Variants in VAT1L observed in about 807,000 individuals in gnomAD.
VAT1L encodes putative NADPH-dependent quinone oxidoreductase VAT1L.
A neutral mutation model predicts 44.1 loss-of-function variants in VAT1L; 34 were observed. The ratio of observed to expected loss-of-function variants is 0.77; its 90% CI spans 0.59 to 1.03. The LOEUF is 1.03. Among genes scored for constraint, VAT1L ranks in the 50% least tolerant of loss-of-function variants. The pLI is 0.00. For missense variants in VAT1L, 615 were observed against 538.8 expected (o/e 1.14, Z -1.40); for synonymous variants, 253 against 202.2 (o/e 1.25, Z -2.13).
At chr16:77,799,104 A>T (rs1166816222) in intron 1 of VAT1L, among the ~76,000 whole-genome samples, 4 of 152,104 alleles carry the variant, frequency 2.6e-5, no homozygotes, top group Non-Finnish European at 5.9e-5. Context: ...TGCAAAGAGA[A>T]CTTTTTTCTC....
intron 1 of VAT1L, 111 bp downstream of exon 1, chr16:77,789,026 C>A (rs959673864): frequency 1.0e-5 from 13 of 1,267,646 alleles, no homozygotes; most frequent in Non-Finnish European, 1.4e-5. Context: ...CCGCGCGCAC[C>A]CCCTCCGCGC....
intron 7 of VAT1L, among the ~76,000 whole-genome samples, chr16:77,893,434 G>T (rs1383525500): frequency 6.6e-6 from 1 of 152,232 alleles, no homozygotes. Flanking sequence ...AGCAGGGATA[G>T]ACACTGGTGT....
intron 7 of VAT1L, among the ~76,000 whole-genome samples, chr16:77,963,897 C>T (rs531667958): frequency 6.6e-6 from 1 of 152,238 alleles, no homozygotes; most frequent in South Asian, 2.1e-4. Context: ...AGGACGTCTT[C>T]GCAATACGTG....
intron 1 of VAT1L, among the ~76,000 whole-genome samples, chr16:77,795,471 A>G (rs111438423): frequency 6.6e-5 from 10 of 152,328 alleles, no homozygotes; most frequent in African/African-American, 2.4e-4. Flanking sequence ...CTAAAAACCA[A>G]CACTGTTGTC....
In VAT1L at chr16:77,884,522, A is replaced by C; in HGVS notation, c.883-86A>C. ...AGCTGCAGCCCCACGTTCCCCCTGT[A>C]GTAGCTGATGACATCAGCAATGCTG... On this transcript the variant is annotated intron_variant, in intron 6 of 8. Coordinates refer to ENST00000302536, the MANE Select transcript of VAT1L (RefSeq NM_020927.3). This position sits in a 1 kb window ranked among gnomAD's most constrained non-coding sequence, Gnocchi z 4.5. 3 of 1,375,632 alleles carry C rather than the reference A, an allele frequency of 2.2e-6. No homozygotes were observed. Among genetic ancestry groups the C allele is most frequent in the Non-Finnish European group, 3.0e-6 (3 of 1,008,188 alleles). The allele number at this position is 1,375,632 out of a possible 1,614,324, so 85.2% of individuals were successfully genotyped here.
intron 1 of VAT1L, among the ~76,000 whole-genome samples, chr16:77,808,720 C>A (rs1657301371): frequency 6.6e-6 from 1 of 152,096 alleles, no homozygotes; most frequent in Admixed American, 6.6e-5. Context: ...CTCAGCCTCC[C>A]ACGTAGCTAG....
At chr16:77,877,171 T>C (rs954904619) in intron 5 of VAT1L, among the ~76,000 whole-genome samples, 5 of 152,206 alleles carry the variant, frequency 3.3e-5, no homozygotes, top group African/African-American at 1.2e-4. Flanking sequence ...CCTTTCTCTC[T>C]TCTTTTTCTT....
chr16:77,849,161 C>T (rs1486345389), intron 3 of VAT1L, among the ~76,000 whole-genome samples: 2 of 152,162 alleles, frequency 1.3e-5, no homozygotes, highest in African/African-American at 2.4e-5. Flanking sequence ...GCACATTCTG[C>T]ACATGTATCC....
At chr16:77,875,622 G>C (rs1217187152) in intron 4 of VAT1L, among the ~76,000 whole-genome samples, 1 of 152,164 alleles carries the variant, frequency 6.6e-6, no homozygotes, top group Non-Finnish European at 1.5e-5. Flanking sequence ...ATCAATGAAT[G>C]TATAAAGAAA....
At position 77,971,827 on chromosome 16, in the gene VAT1L, CTGTT is replaced by C; in HGVS notation, c.1078-21_1078-18del. The C allele has an allele frequency of 6.2e-7, 1 of 1,609,226 alleles. No individual in the cohort carries two copies. The highest frequency in any genetic ancestry group is 8.5e-7 in the Non-Finnish European group (1 of 1,177,828). On this transcript the variant is annotated intron_variant, in intron 7 of 8. Coordinates refer to ENST00000302536, the MANE Select transcript of VAT1L (RefSeq NM_020927.3). ...GGAACATCTCGCCTAACCAGCACCT[CTGTT>C]TCTCACCTTTTCGCGCAGGTGAAGG... is the stretch of plus-strand genomic sequence containing the variant.
intron 1 of VAT1L, among the ~76,000 whole-genome samples, chr16:77,796,412 A>T (rs1249513234): frequency 6.6e-6 from 1 of 152,138 alleles, no homozygotes; most frequent in African/African-American, 2.4e-5. Context: ...GTGTCACTGA[A>T]ATTATCATCC....
At position 77,971,917 on chromosome 16, in the gene VAT1L, A is replaced by G. The variant is rs1307078495; in HGVS notation, c.1145A>G (p.Lys382Arg). The change falls in exon 8 of 9, where the codon AAG becomes AGG. Residue 382 changes from lysine (K) to arginine (R), a missense_variant. Lys to Arg is a conservative substitution (Grantham distance 26). Transcript: ENST00000302536. ...NIGKLILDVE[K>R]TPTPLMANDS... ...GGCAAGTTAATTCTGGATGTAGAAA[A>G]GACCCCAACTCCACTGGTGAGTGAA... The G allele has an allele frequency of 6.2e-7, 1 of 1,613,794 alleles. No homozygotes were observed. The highest frequency in any genetic ancestry group is 8.5e-7 in the Non-Finnish European group (1 of 1,179,896).
rs1355163082 is a variant in VAT1L, at chr16:77,926,588, A to AAGT, written c.1077+41789_1077+41791dup. Reference sequence around the variant, plus strand: ...ACAGAGCAAGACTCCATCTCAAAAAAAGTAGAAGTAGGGGTAAGAGCTAAA... The same window carrying AAGT: ...ACAGAGCAAGACTCCATCTCAAAAAAAGTAGTAGAAGTAGGGGTAAGAGCTAAA... On this transcript the variant is annotated intron_variant, in intron 7 of 8. Transcript: ENST00000302536. 1.3e-4 allele frequency among the ~76,000 whole-genome samples: 20 copies of AAGT among 152,276 alleles called. No individual in the cohort carries two copies. The South Asian group carries it at 4.1e-3, about 32-fold the overall frequency.
intron 1 of VAT1L, among the ~76,000 whole-genome samples, chr16:77,797,617 A>T (rs2015961895): frequency 6.6e-6 from 1 of 152,128 alleles, no homozygotes; most frequent in Non-Finnish European, 1.5e-5. Flanking sequence ...TAGACAATCC[A>T]GTCTCTGGAG....
intron 7 of VAT1L, among the ~76,000 whole-genome samples, chr16:77,927,860 G>C (rs569824840): frequency 9.2e-5 from 14 of 152,182 alleles, no homozygotes; most frequent in Non-Finnish European, 5.9e-5. Context: ...CAGAGACTCC[G>C]TCTCAAAATA....
intron 7 of VAT1L, among the ~76,000 whole-genome samples, chr16:77,964,212 T>A (rs1340042328): frequency 1.3e-5 from 2 of 152,136 alleles, no homozygotes; most frequent in Non-Finnish European, 1.5e-5. Context: ...CATCACCTCC[T>A]TAAACCCACC....
chr16:77,894,112 T>C (rs1016098828), intron 7 of VAT1L, among the ~76,000 whole-genome samples: 11 of 152,186 alleles, frequency 7.2e-5, no homozygotes, highest in African/African-American at 2.2e-4. Flanking sequence ...GTCCATGCTA[T>C]GGACATTAGC....
intron 1 of VAT1L, among the ~76,000 whole-genome samples, chr16:77,808,489 GA>G (rs1046934259): frequency 7.2e-5 from 11 of 151,772 alleles, no homozygotes; most frequent in South Asian, 2.1e-4. Flanking sequence ...CTGCTCCATG[GA>G]AAAAAAATGT....
chr16:77,935,484 T>C (rs12921874), intron 7 of VAT1L, among the ~76,000 whole-genome samples: 23,870 of 147,434 alleles, frequency 0.16, 2,062 homozygotes, highest in East Asian at 0.27. Flanking sequence ...CCACTCCCCA[T>C]TCAATGACGG....
Sources: gnomAD v4.1 joint callset for allele counts (sites outside exome capture counted in the v4.1 genomes callset) on GRCh38, gnomAD v4.1.1 for gene constraint, Gnocchi (gnomAD v3.1) non-coding constraint, MANE v1.5 for transcripts, NCBI Gene and HGNC (gene_info 2026-07-23, HGNC 2026-07-21) for gene names.